Variants in MAP3K2 observed in about 807,000 individuals in gnomAD.
MAP3K2 encodes MAP/ERK kinase kinase 2.
MAP3K2 carries 24 observed loss-of-function variants against 80.3 expected under a neutral mutation model. That is an observed-to-expected ratio of 0.30 (90% CI 0.22 to 0.42). The LOEUF (loss-of-function observed/expected upper bound fraction) is 0.42, where lower values mean the gene tolerates loss of function less well. Ranked by LOEUF, MAP3K2 falls within the 10% of genes least tolerant of loss-of-function variation. The probability of loss-of-function intolerance (pLI) is 1.00; values close to 1 mark genes in which losing one functional copy is unlikely to be tolerated. For synonymous variants in MAP3K2, 244 were observed against 253.7 expected, an observed-to-expected ratio of 0.96 and a Z score of 0.36; for missense variants, 608 against 750.1, an observed-to-expected ratio of 0.81 and a Z score of 2.21.
chr2:127,367,885 T>C (rs894200521), intron 1 of MAP3K2, among the ~76,000 whole-genome samples: 2 of 152,158 alleles, frequency 1.3e-5, no homozygotes, highest in Non-Finnish European at 2.9e-5. Flanking sequence ...ATGAAACACA[T>C]CTAAACACGT....
intron 1 of MAP3K2, among the ~76,000 whole-genome samples, chr2:127,356,502 A>G (rs1174048373): frequency 6.6e-6 from 1 of 152,346 alleles, no homozygotes; most frequent in East Asian, 1.9e-4. Flanking sequence ...GGCTTAGGCT[A>G]ATTTTTTATT....
chr2:127,383,491 G>A (rs1687287899), intron 1 of MAP3K2, among the ~76,000 whole-genome samples: 1 of 152,154 alleles, frequency 6.6e-6, no homozygotes, highest in South Asian at 2.1e-4. Flanking sequence ...CGTCATTGGT[G>A]TATAGAAATG....
At position 127,303,748 on chromosome 2, in the gene MAP3K2, T is replaced by C. The variant is rs1433997897; in HGVS notation, c.*3831A>G. On this transcript the variant is annotated 3_prime_UTR_variant, in exon 17 of 17. Transcript: ENST00000682094. ...TTCATTCTATTAAAAAAGATAGATT[T>C]GTATATTTAATTGACACCAGGTGAT... is the stretch of plus-strand genomic sequence containing the variant. The C allele has an allele frequency of 6.6e-6, 1 of 152,126 alleles. No homozygotes were observed. The highest frequency in any genetic ancestry group is 1.5e-5 in the Non-Finnish European group (1 of 68,008). 9.4% of individuals were successfully genotyped at this position (152,126 alleles called of 1,614,324 possible).
intron 1 of MAP3K2, among the ~76,000 whole-genome samples, chr2:127,367,467 T>C (rs1470493866): frequency 6.6e-6 from 1 of 152,244 alleles, no homozygotes; most frequent in Non-Finnish European, 1.5e-5. Context: ...TTAGGTCTCA[T>C]TTCCCTATCA....
intron 1 of MAP3K2, among the ~76,000 whole-genome samples, chr2:127,360,640 C>A (rs1351386477): frequency 6.6e-6 from 1 of 152,178 alleles, no homozygotes; most frequent in Non-Finnish European, 1.5e-5. Flanking sequence ...ACTAGCTCTG[C>A]AACTCTGATC....
chr2:127,359,168 A>G (rs962565330), intron 1 of MAP3K2, among the ~76,000 whole-genome samples: 1 of 152,150 alleles, frequency 6.6e-6, no homozygotes, highest in Non-Finnish European at 1.5e-5. Flanking sequence ...CCCAGAATAT[A>G]CAACAGAGTT....
chr2:127,382,702 T>G (rs768721638), intron 1 of MAP3K2, among the ~76,000 whole-genome samples: 7 of 152,196 alleles, frequency 4.6e-5, no homozygotes, highest in Non-Finnish European at 8.8e-5. Context: ...ATTTTTGTAT[T>G]TTTAGTAGAG....
chr2:127,351,964 C>CCCCAA (rs1686698942), intron 1 of MAP3K2, among the ~76,000 whole-genome samples: 1 of 151,884 alleles, frequency 6.6e-6, no homozygotes, highest in Non-Finnish European at 1.5e-5. Context: ...GCAGCCTTGA[C>CCCCAA]CTCTTGGGCT....
In MAP3K2 at chr2:127,387,631, C is replaced by G; in HGVS notation, c.-245G>C. The G allele has an allele frequency of 1.0e-6, 1 of 985,066 alleles. No individual in the cohort carries two copies. Among genetic ancestry groups the G allele is most frequent in the Non-Finnish European group, 1.2e-6 (1 of 829,794 alleles). 61.0% of individuals were successfully genotyped at this position (985,066 alleles called of 1,614,324 possible). A position where few individuals can be genotyped will look rare whatever the true frequency, so the allele number is the denominator to read the frequency against. ...GCGCGGGCCTTGGGGCCAGGCCCGT[C>G]CCTCTTTCACATGAAGCCCGGGCCG... On this transcript the variant is annotated 5_prime_UTR_variant, in exon 1 of 17. Transcript: ENST00000682094.
intron 1 of MAP3K2, among the ~76,000 whole-genome samples, chr2:127,359,185 A>C (rs920569044): frequency 2.6e-5 from 4 of 152,192 alleles, no homozygotes; most frequent in African/African-American, 9.7e-5. Context: ...AGTTAATTCT[A>C]ATGTAAATTA....
At chr2:127,315,329 GA>G (rs1685880365) in intron 14 of MAP3K2, among the ~76,000 whole-genome samples, 1 of 152,176 alleles carries the variant, frequency 6.6e-6, no homozygotes, top group African/African-American at 2.4e-5. Flanking sequence ...TTAAAAGACA[GA>G]AATAAAATGC....
At chr2:127,384,540 G>A (rs1687311003) in intron 1 of MAP3K2, among the ~76,000 whole-genome samples, 1 of 152,150 alleles carries the variant, frequency 6.6e-6, no homozygotes, top group Non-Finnish European at 1.5e-5. Context: ...GACTTTGAGG[G>A]GTTTAAGACT....
In MAP3K2 at chr2:127,328,651, G is replaced by A. The variant is rs193062493; in HGVS notation, c.466+1270C>T. Among the ~76,000 whole-genome samples, 429 of 152,232 alleles carry A rather than the reference G, an allele frequency of 2.8e-3. 1 individual carries two copies. Among genetic ancestry groups the A allele is most frequent in the Non-Finnish European group, 4.1e-3 (279 of 68,012 alleles). ...TGCTTGTGTATCACCTCTGCTGCTCGCATTTCTGCATTCCTGAAACCCAAA... is the reference window on the plus strand; with the variant it reads ...TGCTTGTGTATCACCTCTGCTGCTCACATTTCTGCATTCCTGAAACCCAAA... On this transcript the variant is annotated intron_variant, in intron 7 of 16. Transcript: ENST00000682094.
At chr2:127,361,702 GAATT>G (rs1361864584) in intron 1 of MAP3K2, among the ~76,000 whole-genome samples, 3 of 152,216 alleles carry the variant, frequency 2.0e-5, no homozygotes, top group South Asian at 2.1e-4. Flanking sequence ...ATCATTTCTT[GAATT>G]AATATTTCAA....
intron 1 of MAP3K2, among the ~76,000 whole-genome samples, chr2:127,359,328 C>T (rs575670955): frequency 6.6e-5 from 10 of 152,192 alleles, no homozygotes; most frequent in African/African-American, 2.4e-4. Context: ...ATGGGAACTC[C>T]CTACTTTCCA....
intron 1 of MAP3K2, among the ~76,000 whole-genome samples, chr2:127,376,334 C>T (rs969792106): frequency 1.3e-5 from 2 of 151,932 alleles, no homozygotes; most frequent in Admixed American, 6.6e-5. Context: ...AGGGGGGGAG[C>T]GCAACCATGT....
chr2:127,319,650 CAAAAAAAAAAAAAA>C (rs57472022), intron 12 of MAP3K2, among the ~76,000 whole-genome samples: 5 of 71,836 alleles, frequency 7.0e-5, no homozygotes, highest in Admixed American at 4.3e-4. Context: ...ACTAAAAATA[CAAAAAAAAAAAAAA>C]AAAAAAAAAA....
At position 127,369,113 on chromosome 2, in the gene MAP3K2, ATT is replaced by A. The variant is rs112538207; in HGVS notation, c.-66+18337_-66+18338del. 2.4e-3 allele frequency among the ~76,000 whole-genome samples: 355 copies of A among 147,618 alleles called. 2 individuals carry two copies. Among genetic ancestry groups the A allele is most frequent in the African/African-American group, 7.9e-3 (317 of 40,116 alleles). On this transcript the variant is annotated intron_variant, in intron 1 of 16. Coordinates refer to ENST00000682094, the MANE Select transcript of MAP3K2 (RefSeq NM_001371910.2). Reference sequence around the variant, plus strand: ...CAGGCACGCATCACCACGCCCAGCTATTTTTTTTTTGCATTTTTAGTAAAGAC... The same window carrying A: ...CAGGCACGCATCACCACGCCCAGCTATTTTTTTTGCATTTTTAGTAAAGAC...
chr2:127,327,316 T>C (rs1370324460), intron 7 of MAP3K2, among the ~76,000 whole-genome samples: 1 of 152,198 alleles, frequency 6.6e-6, no homozygotes, highest in Admixed American at 6.5e-5. Flanking sequence ...TCATTGTGAG[T>C]ATATGCAAGC....
Sources: allele counts gnomAD v4.1 joint callset (sites outside exome capture counted in the v4.1 genomes callset), GRCh38; gene constraint gnomAD v4.1.1; transcripts MANE v1.5; gene names NCBI Gene and HGNC (gene_info 2026-07-23, HGNC 2026-07-21).